Variants in IPO5 observed in about 807,000 individuals in gnomAD.
The protein encoded by IPO5 is importin-5.
In IPO5, 18 loss-of-function variants were observed where a neutral mutation model predicts 143.3. The ratio of observed to expected loss-of-function variants is 0.13; its 90% confidence interval spans 0.09 to 0.19. The LOEUF (loss-of-function observed/expected upper bound fraction) is 0.19, where lower values mean the gene tolerates loss of function less well. IPO5 is among the 10% of genes least tolerant of loss of function. The pLI is 1.00. For missense variants in IPO5, 1,013 were observed against 1,336.9 expected, an observed-to-expected ratio of 0.76 and a Z score of 3.78; for synonymous variants, 477 against 465.7, an observed-to-expected ratio of 1.02 and a Z score of -0.31.
intron 1 of IPO5, 185 bp from the exon 2 acceptor site, chr13:97,953,934 A>C (rs757121319): frequency 1.5e-5 from 7 of 455,898 alleles, no homozygotes; most frequent in South Asian, 1.1e-4. Context: ...CCAAGTATGA[A>C]ACAATGACGA....
At chr13:97,969,694 G>C (rs766724670) in intron 2 of IPO5, 29 bp from the exon 3 acceptor site, 1 of 927,852 alleles carries the variant, frequency 1.1e-6, no homozygotes, top group South Asian at 1.3e-5. Context: ...ACCATCTAAT[G>C]GTCCACCATT....
At chr13:98,018,770 C>A in intron 26 of IPO5, 66 bp downstream of exon 26, 2 of 1,127,088 alleles carry the variant, frequency 1.8e-6, no homozygotes, top group Non-Finnish European at 2.6e-6. Context: ...ACTTTACTCT[C>A]TTTACCACAC....
chr13:98,005,641 G>A (rs867251447), intron 16 of IPO5, among the ~76,000 whole-genome samples: 3 of 152,218 alleles, frequency 2.0e-5, no homozygotes, highest in Middle Eastern at 6.8e-3. Flanking sequence ...GTTTCAGCAA[G>A]ACAGATGCAA....
intron 25 of IPO5, 105 bp downstream of exon 25, chr13:98,016,956 A>C: frequency 1.3e-6 from 1 of 784,786 alleles, no homozygotes; most frequent in Non-Finnish European, 1.9e-6. Flanking sequence ...CTCAGAAATG[A>C]TTGTTTCCAT....
At chr13:98,021,258 T>G (rs1890467384) in intron 28 of IPO5, 125 bp downstream of exon 28, 1 of 805,028 alleles carries the variant, frequency 1.2e-6, no homozygotes, top group Non-Finnish European at 1.9e-6. Flanking sequence ...CATAGTCTCT[T>G]GTCTCCAAGC....
intron 2 of IPO5, among the ~76,000 whole-genome samples, chr13:97,964,396 T>C (rs1489781311): frequency 6.6e-6 from 1 of 151,954 alleles, no homozygotes; most frequent in African/African-American, 2.4e-5. Flanking sequence ...GGGTCCAGTT[T>C]GTGTTTTCTG....
chr13:97,963,459 T>C (rs1414950459), intron 2 of IPO5, among the ~76,000 whole-genome samples: 1 of 149,822 alleles, frequency 6.7e-6, no homozygotes, highest in Non-Finnish European at 1.5e-5. Flanking sequence ...AATCTCCGCC[T>C]CCTGGGTTCA....
At chr13:98,005,043 G>A (rs952543814) in intron 16 of IPO5, among the ~76,000 whole-genome samples, 6 of 151,872 alleles carry the variant, frequency 4.0e-5, no homozygotes, top group African/African-American at 1.5e-4. Context: ...TTACAGACGT[G>A]CACCCACCAC....
At chr13:98,017,508 C>T (rs1303080340) in intron 25 of IPO5, among the ~76,000 whole-genome samples, 3 of 152,070 alleles carry the variant, frequency 2.0e-5, no homozygotes, top group East Asian at 1.9e-4. Flanking sequence ...CCATGTTGAC[C>T]AGGCTGGTCT....
intron 3 of IPO5, chr13:97,975,811 A>T: frequency 2.4e-6 from 1 of 414,788 alleles, no homozygotes; most frequent in Non-Finnish European, 3.2e-6. Flanking sequence ...TGCTACGTGT[A>T]CATCCGAAGA....
At position 98,022,781 on chromosome 13, in the gene IPO5, T is replaced by G. The variant is rs534927158; in HGVS notation, c.*959T>G. ...AGCTCAAAAAGATTTGGCTTAGTGT[T>G]TTCATTGCAAATTATAATTGCTGTA... On this transcript the variant is annotated 3_prime_UTR_variant, in exon 29 of 29. Coordinates refer to ENST00000651721, the MANE Select transcript of IPO5 (RefSeq NM_002271.6). The G allele has an allele frequency of 6.6e-6, 1 of 152,542 alleles. No homozygotes were observed. Among genetic ancestry groups the G allele is most frequent in the South Asian group, 2.1e-4 (1 of 4,828 alleles). 9.4% of individuals were successfully genotyped at this position (152,542 alleles called of 1,614,324 possible).
intron 2 of IPO5, among the ~76,000 whole-genome samples, chr13:97,960,902 T>C (rs9554435): frequency 0.05 from 7,552 of 152,172 alleles, 447 homozygotes; most frequent in East Asian, 0.32. Context: ...GTTTAGTATA[T>C]TCAGTGGGCT....
intron 6 of IPO5, chr13:97,987,165 C>T (rs1176162329): frequency 2.4e-5 from 4 of 167,230 alleles, no homozygotes; most frequent in Non-Finnish European, 5.8e-5. Flanking sequence ...AAGTTCTTCT[C>T]CAGGGCCATG....
At chr13:97,954,095 G>A (rs1593992442) in intron 1 of IPO5, 24 bp from the exon 2 acceptor site, 1 of 281,436 alleles carries the variant, frequency 3.6e-6, no homozygotes, top group Non-Finnish European at 7.1e-6. Context: ...GAAACAGTCA[G>A]AAATCAGTTT....
chr13:97,980,582 C>G (rs1006593800), intron 4 of IPO5, among the ~76,000 whole-genome samples: 3 of 152,144 alleles, frequency 2.0e-5, no homozygotes, highest in African/African-American at 7.2e-5. Context: ...GTAATCCCAG[C>G]ACTTTGGGAG....
In IPO5 at chr13:97,997,528, T is replaced by C. The variant is rs1279305552; in HGVS notation, c.914-3T>C. ...TCGGGTATGAAATAATTGTTTACTT[T>C]AGTTCCTCAGATGTTAGCAATGATG... On this transcript the variant is annotated splice_polypyrimidine_tract_variant and splice_region_variant and intron_variant, in intron 11 of 28. Transcript: ENST00000651721. 4 of 1,569,464 alleles carry C rather than the reference T, an allele frequency of 2.5e-6. No homozygotes were observed. The highest frequency in any genetic ancestry group is 3.5e-6 in the Non-Finnish European group (4 of 1,141,420).
At chr13:98,016,925 A>C in intron 25 of IPO5, 74 bp downstream of exon 25, 1 of 1,150,820 alleles carries the variant, frequency 8.7e-7, no homozygotes, top group South Asian at 2.1e-5. Context: ...GTAAAATCTA[A>C]TGCTTGAAGT....
At chr13:97,993,960 G>T (rs1242869165) in intron 11 of IPO5, among the ~76,000 whole-genome samples, 1 of 152,194 alleles carries the variant, frequency 6.6e-6, no homozygotes, top group Non-Finnish European at 1.5e-5. Flanking sequence ...CACTGTTCAT[G>T]TTGTACTGAC....
chr13:98,022,852 A>G lies in IPO5; in HGVS notation c.*1030A>G, dbSNP rs970958596. 18 of 152,672 alleles carry G rather than the reference A, an allele frequency of 1.2e-4. No homozygotes were observed. Among genetic ancestry groups the G allele is most frequent in the African/African-American group, 4.3e-4 (18 of 41,464 alleles). The allele number at this position is 152,672 out of a possible 1,614,324, so 9.5% of individuals were successfully genotyped here. A position where few individuals can be genotyped will look rare whatever the true frequency, so the allele number is the denominator to read the frequency against. On this transcript the variant is annotated 3_prime_UTR_variant, in exon 29 of 29. Coordinates refer to ENST00000651721, the MANE Select transcript of IPO5 (RefSeq NM_002271.6). Reference sequence around the variant, plus strand: ...ACTTTTAATTATAAGTGTTATGGCTAAAGTTATTTACTGAAAATTTCAGTA... The same window carrying G: ...ACTTTTAATTATAAGTGTTATGGCTGAAGTTATTTACTGAAAATTTCAGTA...
Sources: gnomAD v4.1 joint callset for allele counts (sites outside exome capture counted in the v4.1 genomes callset) on GRCh38, gnomAD v4.1.1 for gene constraint, MANE v1.5 for transcripts, NCBI Gene and HGNC (gene_info 2026-07-23, HGNC 2026-07-21) for gene names.